The following SLC9A9 variants were observed in gnomAD, a reference collection of about 807,000 sequenced individuals.
SLC9A9 encodes the protein solute carrier family 9 member A9, also known as sodium/hydrogen exchanger 9.
Under a neutral mutation model 77.8 loss-of-function variants are expected in SLC9A9, and 62 were observed. The ratio of observed to expected loss-of-function variants is 0.80; its 90% CI spans 0.65 to 0.98. SLC9A9 has a LOEUF of 0.98. Among genes scored for constraint, SLC9A9 ranks in the 50% least tolerant of loss-of-function variants. The probability of loss-of-function intolerance (pLI) is 0.00; values close to 1 mark genes in which losing one functional copy is unlikely to be tolerated. For missense variants in SLC9A9, 775 were observed against 774.9 expected (o/e 1.00, Z 0.00); for synonymous variants, 320 against 283.5 (o/e 1.13, Z -1.29).
At chr3:143,270,658 AT>A in intron 14 of SLC9A9, among the ~76,000 whole-genome samples, 1 of 151,380 alleles carries the variant, frequency 6.6e-6, no homozygotes, top group East Asian at 1.9e-4. Flanking sequence ...AGTAAGCAAC[AT>A]TTTTAGTGAT....
chr3:143,538,120 T>G (rs2036624069), intron 9 of SLC9A9, among the ~76,000 whole-genome samples: 1 of 152,202 alleles, frequency 6.6e-6, no homozygotes, highest in African/African-American at 2.4e-5. Flanking sequence ...GATGTTGCCT[T>G]ATTCTACAGG....
chr3:143,288,975 G>C (rs756297676), intron 14 of SLC9A9, among the ~76,000 whole-genome samples: 10 of 152,328 alleles, frequency 6.6e-5, no homozygotes, highest in Admixed American at 1.3e-4. Flanking sequence ...CTGGTGCACA[G>C]GGAAGCAGTG....
chr3:143,804,106 T>C (rs912598969), intron 2 of SLC9A9, among the ~76,000 whole-genome samples: 1 of 152,188 alleles, frequency 6.6e-6, no homozygotes, highest in African/African-American at 2.4e-5. Flanking sequence ...GGGTAACCTT[T>C]CACCTTCTCG....
intron 4 of SLC9A9, among the ~76,000 whole-genome samples, chr3:143,755,590 G>T (rs2006896634): frequency 6.6e-6 from 1 of 152,096 alleles, no homozygotes; most frequent in African/African-American, 2.4e-5. Context: ...TTATTGTGAG[G>T]CTCCATTGTG....
intron 9 of SLC9A9, among the ~76,000 whole-genome samples, chr3:143,501,284 A>G (rs1423299648): frequency 2.0e-5 from 3 of 150,846 alleles, no homozygotes; most frequent in African/African-American, 7.5e-5. Context: ...TTGTTAAATA[A>G]TAAACAATTA....
rs138334722 is a variant in SLC9A9 at position 143,783,349 on chromosome 3, C to T, written c.533+11652G>A. ...ACCTCGCTGCTGCCCTCCCCCTTGC[C>T]TTCCCTCTGCCTGGATTCCTTCTCT... On this transcript the variant is annotated intron_variant, in intron 4 of 15. Coordinates refer to ENST00000316549, the MANE Select transcript of SLC9A9 (RefSeq NM_173653.4). Among the ~76,000 whole-genome samples, 262 of 152,178 alleles carry T rather than the reference C, an allele frequency of 1.7e-3. 2 individuals are homozygous for T. Among genetic ancestry groups the T allele is most frequent in the African/African-American group, 6.1e-3 (254 of 41,520 alleles).
intron 13 of SLC9A9, among the ~76,000 whole-genome samples, chr3:143,364,201 T>C (rs1056998050): frequency 1.3e-5 from 2 of 151,892 alleles, no homozygotes; most frequent in African/African-American, 4.8e-5. Context: ...ATGGGTGTTT[T>C]TGTGAGAGAA....
intron 14 of SLC9A9, among the ~76,000 whole-genome samples, chr3:143,363,272 G>A (rs973407849): frequency 1.3e-5 from 2 of 152,204 alleles, no homozygotes; most frequent in Non-Finnish European, 2.9e-5. Context: ...ATTTGACTCT[G>A]AGAAGTTTCA....
intron 14 of SLC9A9, 152 bp from the exon 15 acceptor site, chr3:143,269,132 T>G: frequency 1.5e-6 from 1 of 662,878 alleles, no homozygotes. Flanking sequence ...AAAATTGCTG[T>G]TTATAATCTT....
chr3:143,647,209 T>C (rs1366055168), intron 6 of SLC9A9, among the ~76,000 whole-genome samples: 5 of 152,170 alleles, frequency 3.3e-5, no homozygotes, highest in Admixed American at 2.6e-4. Context: ...GCAGGGGGAT[T>C]GAGTAACTTG....
intron 13 of SLC9A9, among the ~76,000 whole-genome samples, chr3:143,373,641 A>AAC (rs1325825308): frequency 6.7e-6 from 1 of 149,882 alleles, no homozygotes; most frequent in Non-Finnish European, 1.5e-5. Flanking sequence ...AGCCATTAAA[A>AAC]ATTCCTGGAA....
chr3:143,599,107 G>A (rs2037804849), intron 6 of SLC9A9, among the ~76,000 whole-genome samples: 1 of 152,164 alleles, frequency 6.6e-6, no homozygotes. Flanking sequence ...GCACCAGATG[G>A]GACTGTGGCA....
rs11719597 is a variant in SLC9A9, at chr3:143,626,627, G to T, written c.755+25628C>A. Among the ~76,000 whole-genome samples, 3 of 149,538 alleles carry T rather than the reference G, an allele frequency of 2.0e-5. 1 individual carries two copies. The highest frequency in any genetic ancestry group is 4.9e-5 in the African/African-American group (2 of 40,766). On this transcript the variant is annotated intron_variant, in intron 6 of 15. Transcript: ENST00000316549. ...ACCGGGGCTTGTTGTGGGGTGGGGG[G>T]ATGGGGGAGGGATAGCATTTGGAGA...
At chr3:143,419,333 A>G (rs2034255496) in intron 12 of SLC9A9, among the ~76,000 whole-genome samples, 1 of 152,210 alleles carries the variant, frequency 6.6e-6, no homozygotes, top group South Asian at 2.1e-4. Context: ...AACTTGCAAG[A>G]GGTCACACAG....
intron 9 of SLC9A9, among the ~76,000 whole-genome samples, chr3:143,523,661 A>G (rs2036356275): frequency 1.3e-5 from 2 of 152,162 alleles, no homozygotes; most frequent in Non-Finnish European, 2.9e-5. Context: ...CTTGTTATAT[A>G]CTTCCCTTTC....
intron 2 of SLC9A9, among the ~76,000 whole-genome samples, chr3:143,807,616 A>T (rs928034787): frequency 6.6e-5 from 10 of 152,186 alleles, no homozygotes; most frequent in African/African-American, 1.7e-4. Flanking sequence ...ATGGTGGCTC[A>T]TGCCTGTAAT....
At chr3:143,847,942 G>A (rs2009863814) in intron 1 of SLC9A9, 1 of 612,724 alleles carries the variant, frequency 1.6e-6, no homozygotes, top group South Asian at 1.9e-5. Flanking sequence ...GAACATGACT[G>A]TGACATTTGC....
At chr3:143,558,470 G>A (rs1420009632) in intron 8 of SLC9A9, among the ~76,000 whole-genome samples, 3 of 152,176 alleles carry the variant, frequency 2.0e-5, no homozygotes, top group Non-Finnish European at 4.4e-5. Context: ...ACCCTACAAA[G>A]CCACAGAGTC....
intron 4 of SLC9A9, among the ~76,000 whole-genome samples, chr3:143,695,352 C>T (rs555323753): frequency 6.6e-6 from 1 of 152,204 alleles, no homozygotes; most frequent in South Asian, 2.1e-4. Context: ...CACACCACAA[C>T]AGGCCCCAGT....
Sources: allele counts gnomAD v4.1 joint callset (sites outside exome capture counted in the v4.1 genomes callset), GRCh38; gene constraint gnomAD v4.1.1; transcripts MANE v1.5; gene names NCBI Gene and HGNC (gene_info 2026-07-23, HGNC 2026-07-21).